MAP2: variants seen among roughly 807,000 people sequenced by gnomAD.
MAP2 encodes the protein microtubule associated protein 2, also known as microtubule-associated protein 2.
A neutral mutation model predicts 137.6 loss-of-function variants in MAP2; 14 were observed. The ratio of observed to expected loss-of-function variants is 0.10; its 90% CI spans 0.07 to 0.16. The LOEUF (loss-of-function observed/expected upper bound fraction) is 0.16. Among genes scored for constraint, MAP2 ranks in the 10% least tolerant of loss-of-function variants. MAP2 has a pLI of 1.00. For synonymous variants in MAP2, 786 were observed against 782.3 expected (o/e 1.00, Z -0.08); for missense variants, 2,088 against 2,191.5 (o/e 0.95, Z 0.94).
At chr2:209,522,957 C>T (rs892019051) in intron 2 of MAP2, among the ~76,000 whole-genome samples, 2 of 152,042 alleles carry the variant, frequency 1.3e-5, no homozygotes, top group African/African-American at 4.8e-5. Context: ...TTATGGTTGC[C>T]AATATTGGTC....
chr2:209,470,904 T>C (rs1705524543), intron 1 of MAP2, among the ~76,000 whole-genome samples: 1 of 152,198 alleles, frequency 6.6e-6, no homozygotes, highest in South Asian at 2.1e-4. Context: ...GACTTACTGA[T>C]TTTCCCATAT....
intron 2 of MAP2, among the ~76,000 whole-genome samples, chr2:209,571,725 G>A (rs895075714): frequency 2.6e-5 from 4 of 152,008 alleles, no homozygotes; most frequent in African/African-American, 9.7e-5. Context: ...TTTAGTAAAA[G>A]TATGTGAGAA....
chr2:209,516,434 C>CT (rs1298368066), intron 2 of MAP2, among the ~76,000 whole-genome samples: 1 of 151,958 alleles, frequency 6.6e-6, no homozygotes, highest in Non-Finnish European at 1.5e-5. Context: ...AGCTGATCTA[C>CT]TTTTTAAAAA....
chr2:209,623,587 G>C (rs2091711831), intron 3 of MAP2, among the ~76,000 whole-genome samples: 1 of 152,116 alleles, frequency 6.6e-6, no homozygotes, highest in African/African-American at 2.4e-5. Flanking sequence ...AAGCTCCAGA[G>C]CTGGCCTACC....
chr2:209,564,696 T>G (rs926264911), intron 2 of MAP2, among the ~76,000 whole-genome samples: 4 of 152,016 alleles, frequency 2.6e-5, no homozygotes, highest in African/African-American at 9.7e-5. Context: ...TGGTGGTGGT[T>G]GTTTTGAACC....
At chr2:209,496,302 G>A (rs972806336) in intron 1 of MAP2, among the ~76,000 whole-genome samples, 36 of 152,086 alleles carry the variant, frequency 2.4e-4, no homozygotes, top group African/African-American at 7.7e-4. Context: ...GGCAGGGTAT[G>A]GCATTCATTA....
At chr2:209,444,247 C>T (rs1039880625) in intron 1 of MAP2, among the ~76,000 whole-genome samples, 7 of 151,246 alleles carry the variant, frequency 4.6e-5, no homozygotes, top group Admixed American at 2.0e-4. Context: ...AATTCTTTCT[C>T]GGGGACTAAA....
intron 5 of MAP2, among the ~76,000 whole-genome samples, chr2:209,673,201 GA>G (rs2049659983): frequency 6.6e-6 from 1 of 151,720 alleles, no homozygotes; most frequent in Non-Finnish European, 1.5e-5. Context: ...TAGAAATTAT[GA>G]GATGAATTTT....
At chr2:209,608,433 T>C (rs1003322522) in intron 3 of MAP2, among the ~76,000 whole-genome samples, 15 of 152,006 alleles carry the variant, frequency 9.9e-5, no homozygotes, top group African/African-American at 3.6e-4. Context: ...GCTGCTGGGG[T>C]GTGCCACCAC....
chr2:209,561,679 A>G (rs993283848), intron 2 of MAP2, among the ~76,000 whole-genome samples: 3 of 152,238 alleles, frequency 2.0e-5, no homozygotes, highest in African/African-American at 7.2e-5. Context: ...AGAAAATATG[A>G]TTACTTCTTA....
Position 209,539,042 on chromosome 2 carries a change from T to G in MAP2, c.-172+31401T>G, listed in dbSNP as rs903946047. ...TGATACACATCTTTTCTGTGTGATCTTGATATTTAAGGCAGAACACAATAT... is the reference window on the plus strand; with the variant it reads ...TGATACACATCTTTTCTGTGTGATCGTGATATTTAAGGCAGAACACAATAT... On this transcript the variant is annotated intron_variant, in intron 2 of 15. Coordinates refer to ENST00000682079, the MANE Select transcript of MAP2 (RefSeq NM_001375505.1). Among the ~76,000 whole-genome samples, 4 of 152,344 alleles carry G rather than the reference T, an allele frequency of 2.6e-5. No homozygotes were observed. In the South Asian group the frequency reaches 8.3e-4, roughly 32 times the overall value.
intron 4 of MAP2, among the ~76,000 whole-genome samples, chr2:209,631,429 A>G (rs2093036830): frequency 6.6e-6 from 1 of 152,132 alleles, no homozygotes; most frequent in African/African-American, 2.4e-5. Context: ...TTGAGGATAC[A>G]GTGTGATATG....
chr2:209,690,277 C>A (rs1190480351), intron 7 of MAP2, among the ~76,000 whole-genome samples: 1 of 151,990 alleles, frequency 6.6e-6, no homozygotes. Flanking sequence ...AGCAAGCTTT[C>A]CACATGCGTG....
chr2:209,657,969 G>A (rs1189374181), intron 5 of MAP2, among the ~76,000 whole-genome samples: 1 of 152,148 alleles, frequency 6.6e-6, no homozygotes, highest in East Asian at 1.9e-4. Context: ...GTAATGGCTT[G>A]TAATAATTCT....
At chr2:209,652,450 A>G (rs537917946) in intron 4 of MAP2, among the ~76,000 whole-genome samples, 1 of 152,336 alleles carries the variant, frequency 6.6e-6, no homozygotes, top group South Asian at 2.1e-4. Context: ...TTTATCAAAA[A>G]AATTAAGTTA....
intron 1 of MAP2, among the ~76,000 whole-genome samples, chr2:209,458,459 GAGATTA>G (rs1324837354): frequency 1.3e-5 from 2 of 152,110 alleles, no homozygotes; most frequent in African/African-American, 4.8e-5. Context: ...CAGGAAAACT[GAGATTA>G]AGATTAACAC....
At chr2:209,450,907 A>G (rs1700154583) in intron 1 of MAP2, among the ~76,000 whole-genome samples, 1 of 152,170 alleles carries the variant, frequency 6.6e-6, no homozygotes, top group Admixed American at 6.5e-5. Flanking sequence ...CAGAATTGTA[A>G]TTATTAGAAT....
intron 1 of MAP2, among the ~76,000 whole-genome samples, chr2:209,464,176 TG>T (rs1703560658): frequency 6.6e-6 from 1 of 152,122 alleles, no homozygotes; most frequent in South Asian, 2.1e-4. Context: ...ATGATTGAAA[TG>T]GTTCACTAAA....
chr2:209,576,456 A>G (rs1255146633), intron 2 of MAP2, among the ~76,000 whole-genome samples: 1 of 151,862 alleles, frequency 6.6e-6, no homozygotes, highest in Non-Finnish European at 1.5e-5. Flanking sequence ...CACTATGGCC[A>G]GGCTGGTTTC....
Sources: gnomAD v4.1 joint callset for allele counts (sites outside exome capture counted in the v4.1 genomes callset) on GRCh38, gnomAD v4.1.1 for gene constraint, MANE v1.5 for transcripts, NCBI Gene and HGNC (gene_info 2026-07-23, HGNC 2026-07-21) for gene names.